Variants in CHST11 observed in about 807,000 individuals in gnomAD.
The protein encoded by CHST11 is C4S-1.
A neutral mutation model predicts 30.4 loss-of-function variants in CHST11; 9 were observed. That is an observed-to-expected ratio of 0.30 (90% CI 0.18 to 0.52). CHST11 has a LOEUF of 0.52. CHST11 is among the 20% of genes least tolerant of loss of function. The probability of loss-of-function intolerance (pLI) is 0.97; values close to 1 mark genes in which losing one functional copy is unlikely to be tolerated. For synonymous variants in CHST11, 152 were observed against 187.8 expected, an observed-to-expected ratio of 0.81 and a Z score of 1.56; for missense variants, 348 against 460.6, an observed-to-expected ratio of 0.76 and a Z score of 2.24.
At chr12:104,518,584 C>T (rs987365199) in intron 1 of CHST11, among the ~76,000 whole-genome samples, 4 of 152,134 alleles carry the variant, frequency 2.6e-5, no homozygotes, top group African/African-American at 4.8e-5. Context: ...GACTTTCCCT[C>T]GCCCTGCATA....
chr12:104,521,676 G>T (rs1172842858), intron 1 of CHST11, among the ~76,000 whole-genome samples: 1 of 152,182 alleles, frequency 6.6e-6, no homozygotes, highest in African/African-American at 2.4e-5. Context: ...GGATGGAGGT[G>T]TCCTGCGTAA....
chr12:104,668,184 G>C (rs2136093049), intron 2 of CHST11, among the ~76,000 whole-genome samples: 1 of 152,188 alleles, frequency 6.6e-6, no homozygotes, highest in East Asian at 1.9e-4. Context: ...GTATTTATGA[G>C]CACCCCTCAT....
intron 1 of CHST11, among the ~76,000 whole-genome samples, chr12:104,574,567 G>A (rs2038662959): frequency 6.6e-6 from 1 of 152,100 alleles, no homozygotes; most frequent in Admixed American, 6.5e-5. Flanking sequence ...TAGGGACATG[G>A]ATGAAGCTGG....
At chr12:104,621,712 G>C (rs1009312691) in intron 2 of CHST11, among the ~76,000 whole-genome samples, 2 of 152,242 alleles carry the variant, frequency 1.3e-5, no homozygotes, top group African/African-American at 4.8e-5. Context: ...TTCCCTTGGA[G>C]CCTCCAGAAG....
intron 2 of CHST11, among the ~76,000 whole-genome samples, chr12:104,654,610 A>G (rs1289752665): frequency 6.6e-6 from 1 of 152,042 alleles, no homozygotes; most frequent in Non-Finnish European, 1.5e-5. Flanking sequence ...TGCCATTCCT[A>G]TGGGGGGTAA....
chr12:104,652,174 G>C, intron 2 of CHST11, among the ~76,000 whole-genome samples: 1 of 152,124 alleles, frequency 6.6e-6, no homozygotes, highest in Non-Finnish European at 1.5e-5. Flanking sequence ...AAAATGTGAA[G>C]ATTTTTTAGT....
intron 2 of CHST11, among the ~76,000 whole-genome samples, chr12:104,750,032 T>C (rs1417867355): frequency 6.6e-6 from 1 of 152,152 alleles, no homozygotes; most frequent in East Asian, 1.9e-4. Flanking sequence ...GATAACCTAG[T>C]TCTGCCATAT....
In CHST11 at chr12:104,711,638, A is replaced by G. The variant is rs541404687; in HGVS notation, c.205-45311A>G. Among the ~76,000 whole-genome samples the G allele has an allele frequency of 1.1e-4, 16 of 152,296 alleles. No individual in the cohort carries two copies. In the South Asian group the frequency reaches 2.9e-3, roughly 28 times the overall value. The stretch of plus-strand genomic sequence containing the variant: ...GCACTGACATTTTTTTAAGCCTACA[A>G]GGGTGAATTTAAAAGGGCCTGAGAG... On this transcript the variant is annotated intron_variant, in intron 2 of 2. Coordinates refer to ENST00000303694, the MANE Select transcript of CHST11 (RefSeq NM_018413.6).
At chr12:104,725,735 C>T (rs1326419290) in intron 2 of CHST11, among the ~76,000 whole-genome samples, 1 of 151,980 alleles carries the variant, frequency 6.6e-6, no homozygotes, top group Non-Finnish European at 1.5e-5. Context: ...TAGGCCAATT[C>T]TTATCACCCT....
chr12:104,563,262 T>C (rs1265292704), intron 1 of CHST11, among the ~76,000 whole-genome samples: 1 of 152,180 alleles, frequency 6.6e-6, no homozygotes, highest in Non-Finnish European at 1.5e-5. Flanking sequence ...GGTCTCGAAC[T>C]CCTGACCTCA....
intron 2 of CHST11, among the ~76,000 whole-genome samples, chr12:104,645,940 T>C (rs1312172221): frequency 6.6e-6 from 1 of 152,222 alleles, no homozygotes; most frequent in African/African-American, 2.4e-5. Context: ...GTCATCATGG[T>C]GGCTTCAGCA....
At chr12:104,587,071 G>T (rs1210193247) in intron 1 of CHST11, among the ~76,000 whole-genome samples, 4 of 152,148 alleles carry the variant, frequency 2.6e-5, no homozygotes, top group African/African-American at 7.2e-5. Context: ...CCGCCCCTTA[G>T]GCCAGCCTGA....
chr12:104,467,934 T>G (rs2037473607), intron 1 of CHST11, among the ~76,000 whole-genome samples: 1 of 152,244 alleles, frequency 6.6e-6, no homozygotes, highest in South Asian at 2.1e-4. Context: ...GATTTGGCTG[T>G]TCCCTATATC....
chr12:104,575,699 C>T (rs908021383), intron 1 of CHST11, among the ~76,000 whole-genome samples: 2 of 151,988 alleles, frequency 1.3e-5, no homozygotes, highest in African/African-American at 2.4e-5. Context: ...AGCCAGCTGT[C>T]AGGGTAAAGG....
At chr12:104,534,900 G>A (rs1365526407) in intron 1 of CHST11, among the ~76,000 whole-genome samples, 1 of 152,152 alleles carries the variant, frequency 6.6e-6, no homozygotes, top group Non-Finnish European at 1.5e-5. Context: ...CAGAAGCCAA[G>A]TTTCTGATTA....
chr12:104,472,244 G>C (rs1360999712), intron 1 of CHST11, among the ~76,000 whole-genome samples: 1 of 151,692 alleles, frequency 6.6e-6, no homozygotes, highest in Non-Finnish European at 1.5e-5. Flanking sequence ...AGTACTGGGA[G>C]TACAGGCGTG....
intron 1 of CHST11, among the ~76,000 whole-genome samples, chr12:104,526,531 T>C (rs1261730669): frequency 6.6e-6 from 1 of 152,176 alleles, no homozygotes; most frequent in Non-Finnish European, 1.5e-5. Context: ...GGTTTGCCCC[T>C]GTGAGGTGTT....
intron 1 of CHST11, among the ~76,000 whole-genome samples, chr12:104,595,462 G>C (rs1168392529): frequency 6.6e-6 from 1 of 152,052 alleles, no homozygotes; most frequent in Non-Finnish European, 1.5e-5. Context: ...AGCAATTCTA[G>C]GGCTTGTTTA....
chr12:104,759,466 G>T lies in CHST11; in HGVS notation c.*1663G>T, dbSNP rs2040506716. The T allele has an allele frequency of 6.6e-6, 1 of 151,964 alleles. No homozygotes were observed. Among genetic ancestry groups the T allele is most frequent in the South Asian group, 2.1e-4 (1 of 4,816 alleles). The allele number at this position is 151,964 out of a possible 1,614,324, so 9.4% of individuals were successfully genotyped here. On this transcript the variant is annotated 3_prime_UTR_variant, in exon 3 of 3. Transcript: ENST00000303694. ...AATAATAATAATAGTTTTAATAATA[G>T]GGGAGGGTGGGATGGGGTGTGGGTA...
Sources: allele counts gnomAD v4.1 joint callset (sites outside exome capture counted in the v4.1 genomes callset), GRCh38; gene constraint gnomAD v4.1.1; transcripts MANE v1.5; gene names NCBI Gene and HGNC (gene_info 2026-07-23, HGNC 2026-07-21).